ULK4: variants seen among roughly 807,000 people sequenced by gnomAD.
The protein encoded by ULK4 is unc-51 like kinase 4.
ULK4 carries 133 observed loss-of-function variants against 160.6 expected under a neutral mutation model. That is an observed-to-expected ratio of 0.83 (90% CI 0.72 to 0.96). ULK4 has a LOEUF of 0.96. Ranked by LOEUF, ULK4 falls within the 40% of genes least tolerant of loss-of-function variation. The pLI is 0.00. For missense variants in ULK4, 1,580 were observed against 1,499.5 expected (o/e 1.05, Z -0.89); for synonymous variants, 534 against 539.8 (o/e 0.99, Z 0.15).
chr3:41,343,466 G>A (rs1047204629), intron 35 of ULK4, among the ~76,000 whole-genome samples: 1 of 151,872 alleles, frequency 6.6e-6, no homozygotes, highest in African/African-American at 2.4e-5. Context: ...CACCACGCCT[G>A]GCTAATTTTT....
intron 35 of ULK4, among the ~76,000 whole-genome samples, chr3:41,296,470 G>C (rs2125707266): frequency 6.6e-6 from 1 of 152,252 alleles, no homozygotes; most frequent in East Asian, 1.9e-4. Context: ...TGAGTTTCCT[G>C]GCCGATGCTG....
At chr3:41,897,197 G>A (rs936463523) in intron 14 of ULK4, among the ~76,000 whole-genome samples, 194 bp from the exon 15 acceptor site, 3 of 151,998 alleles carry the variant, frequency 2.0e-5, no homozygotes, top group Admixed American at 6.6e-5. Flanking sequence ...ATCTATCCAC[G>A]GAAACTTTTT....
intron 21 of ULK4, among the ~76,000 whole-genome samples, chr3:41,761,051 A>G (rs966921998): frequency 4.6e-5 from 7 of 152,140 alleles, no homozygotes; most frequent in Non-Finnish European, 8.8e-5. Context: ...ATAAAACTAT[A>G]GGGGCAGGGA....
chr3:41,688,609 C>T (rs1256017176), intron 27 of ULK4, among the ~76,000 whole-genome samples: 1 of 151,386 alleles, frequency 6.6e-6, no homozygotes, highest in Non-Finnish European at 1.5e-5. Context: ...TAGAACAAAA[C>T]AAAACAAAAT....
At chr3:41,604,656 G>A (rs1438812596) in intron 31 of ULK4, among the ~76,000 whole-genome samples, 1 of 152,102 alleles carries the variant, frequency 6.6e-6, no homozygotes, top group African/African-American at 2.4e-5. Flanking sequence ...CATCTATTCA[G>A]GCCCTGTGTG....
At chr3:41,306,125 AG>A (rs2079920099) in intron 35 of ULK4, among the ~76,000 whole-genome samples, 2 of 56,148 alleles carry the variant, frequency 3.6e-5, no homozygotes, top group South Asian at 1.5e-3. Flanking sequence ...TCCGGGAGGG[AG>A]GTGGGGGGGG....
In ULK4 at chr3:41,295,239, T is replaced by TTG. The variant is rs1417382412; in HGVS notation, c.3679-45666_3679-45665insCA. On this transcript the variant is annotated intron_variant, in intron 35 of 36. Coordinates refer to ENST00000301831, the MANE Select transcript of ULK4 (RefSeq NM_017886.4). The stretch of plus-strand genomic sequence containing the variant: ...GAAATAGTGTTGGAACAACTGGATA[T>TTG]CCACATGCAAAACATGAATGCAGAC... 4.9e-4 allele frequency among the ~76,000 whole-genome samples: 37 copies of TTG among 75,920 alleles called. 13 individuals are homozygous for TTG. The highest frequency in any genetic ancestry group is 7.7e-4 in the Non-Finnish European group (23 of 29,822). 49.8% of individuals were successfully genotyped at this position (75,920 alleles called of 152,430 possible). A position where few individuals can be genotyped will look rare whatever the true frequency, so the allele number is the denominator to read the frequency against.
intron 22 of ULK4, among the ~76,000 whole-genome samples, chr3:41,742,564 G>A (rs191559164): frequency 1.2e-4 from 18 of 151,994 alleles, no homozygotes; most frequent in Admixed American, 2.6e-4. Flanking sequence ...TGTCCAGGAC[G>A]TATTCTAAAA....
At chr3:41,725,190 G>A (rs2037607895) in intron 22 of ULK4, among the ~76,000 whole-genome samples, 1 of 152,152 alleles carries the variant, frequency 6.6e-6, no homozygotes, top group African/African-American at 2.4e-5. Context: ...CAAAAGTCAT[G>A]AAGATATTTT....
rs182095348 is a variant in ULK4, at chr3:41,612,023, A to T, written c.3120+3646T>A. On this transcript the variant is annotated intron_variant, in intron 31 of 36. Transcript: ENST00000301831. ...ATATTCAGAAAAAAAAATAAAAATAACAATACAAGAAAAAGTAACACACAT... is the reference window on the plus strand; with the variant it reads ...ATATTCAGAAAAAAAAATAAAAATATCAATACAAGAAAAAGTAACACACAT... 3.0e-4 allele frequency among the ~76,000 whole-genome samples: 46 copies of T among 152,292 alleles called. 2 individuals carry two copies. Among genetic ancestry groups the T allele is most frequent in the Admixed American group, 3.0e-3 (46 of 15,288 alleles).
chr3:41,888,789 G>C (rs1697817052), intron 16 of ULK4, among the ~76,000 whole-genome samples: 1 of 152,084 alleles, frequency 6.6e-6, no homozygotes, highest in African/African-American at 2.4e-5. Context: ...AATGAGGAAA[G>C]CCAACTCCAC....
At chr3:41,248,291 T>C (rs1414852923) in intron 36 of ULK4, among the ~76,000 whole-genome samples, 2 of 152,080 alleles carry the variant, frequency 1.3e-5, no homozygotes, top group African/African-American at 4.8e-5. Flanking sequence ...TGGCATGTGC[T>C]CCTCAAAATA....
At chr3:41,930,728 CAT>C (rs747044182) in intron 5 of ULK4, among the ~76,000 whole-genome samples, 16 of 152,090 alleles carry the variant, frequency 1.1e-4, no homozygotes, top group Non-Finnish European at 1.5e-4. Context: ...GGCCAACAAA[CAT>C]ATGAAAAAAA....
intron 31 of ULK4, among the ~76,000 whole-genome samples, chr3:41,574,340 T>C (rs1302818297): frequency 6.6e-6 from 1 of 151,950 alleles, no homozygotes; most frequent in African/African-American, 2.4e-5. Flanking sequence ...GACTACTGCC[T>C]CCCTATTGTT....
chr3:41,640,966 C>A (rs1204188983), intron 30 of ULK4, among the ~76,000 whole-genome samples: 1 of 152,152 alleles, frequency 6.6e-6, no homozygotes, highest in Admixed American at 6.5e-5. Flanking sequence ...CCTTCATTCC[C>A]ATTCATTGTT....
intron 32 of ULK4, among the ~76,000 whole-genome samples, chr3:41,544,038 A>T (rs1242403077): frequency 6.6e-6 from 1 of 152,156 alleles, no homozygotes; most frequent in African/African-American, 2.4e-5. Flanking sequence ...TTTCAGAAAT[A>T]GTTTGCCTTG....
At chr3:41,575,286 G>A (rs1244749348) in intron 31 of ULK4, among the ~76,000 whole-genome samples, 1 of 152,206 alleles carries the variant, frequency 6.6e-6, no homozygotes, top group African/African-American at 2.4e-5. Flanking sequence ...GGAATGTTTG[G>A]AGTAGGATGA....
chr3:41,810,952 T>G (rs1304551755), intron 19 of ULK4, among the ~76,000 whole-genome samples: 2 of 152,190 alleles, frequency 1.3e-5, no homozygotes, highest in African/African-American at 2.4e-5. Context: ...ATAGTGTGCA[T>G]AGCTCACTGC....
intron 19 of ULK4, among the ~76,000 whole-genome samples, chr3:41,802,090 C>T (rs1014917393): frequency 6.6e-6 from 1 of 151,640 alleles, no homozygotes; most frequent in Non-Finnish European, 1.5e-5. Context: ...AAAATAAGTA[C>T]CATTCTGAAA....
Sources: allele counts gnomAD v4.1 joint callset (sites outside exome capture counted in the v4.1 genomes callset), GRCh38; gene constraint gnomAD v4.1.1; transcripts MANE v1.5; gene names NCBI Gene and HGNC (gene_info 2026-07-23, HGNC 2026-07-21).